FAAH2: variants seen among roughly 807,000 people sequenced by gnomAD.
FAAH2 encodes the protein fatty acid amide hydrolase 2, also known as fatty-acid amide hydrolase 2.
FAAH2 carries 60 observed loss-of-function variants against 36.9 expected under a neutral mutation model. That is an observed-to-expected ratio of 1.63 (90% CI 1.32 to 2.02). FAAH2 has a LOEUF of 2.02. FAAH2 is among the 30% of genes most tolerant of loss of function. The pLI is 0.00. For synonymous variants in FAAH2, 214 were observed against 143.8 expected, an observed-to-expected ratio of 1.49 and a Z score of -3.49; for missense variants, 689 against 397.5, an observed-to-expected ratio of 1.73 and a Z score of -6.23.
At chrX:57,150,232 T>G in the FAAH2 span, among the ~76,000 whole-genome samples, 1 of 112,023 alleles carries the variant, frequency 8.9e-6, no homozygotes, top group African/African-American at 3.2e-5. Flanking sequence ...AGAATGTATA[T>G]TCTGTTGATT....
In FAAH2 at chrX:57,488,939, C is replaced by T. The variant is rs750540525; in HGVS notation, c.*7C>T. ...CTGTCCAGGAAAGTTTTAGGAGGAC[C>T]TTCTGCAAGGTTAATGTGTGTGTGT... On this transcript the variant is annotated 3_prime_UTR_variant, in exon 11 of 11. Coordinates refer to ENST00000374900, the MANE Select transcript of FAAH2 (RefSeq NM_174912.4). 1 of 1,206,611 alleles carries T rather than the reference C, an allele frequency of 8.3e-7. No homozygotes were observed. Among genetic ancestry groups the T allele is most frequent in the South Asian group, 1.8e-5 (1 of 56,094 alleles).
At chrX:57,333,802 T>G (rs771412599) in intron 4 of FAAH2, among the ~76,000 whole-genome samples, 9 of 111,241 alleles carry the variant, frequency 8.1e-5, no homozygotes, top group Non-Finnish European at 1.3e-4. Context: ...AATACACATA[T>G]GTAATTGGAA....
intron 1 of FAAH2, among the ~76,000 whole-genome samples, chrX:57,287,965 G>A (rs1261793617): frequency 9.0e-6 from 1 of 110,971 alleles, no homozygotes; most frequent in Admixed American, 9.6e-5. Flanking sequence ...TCTTCTTGCC[G>A]TACCCCCTCC....
At chrX:57,158,303 T>A in the FAAH2 span, among the ~76,000 whole-genome samples, 3 of 112,235 alleles carry the variant, frequency 2.7e-5, no homozygotes, top group Admixed American at 9.4e-5. Flanking sequence ...GTGCCACAAT[T>A]AACATACGTG....
At chrX:57,207,874 G>A in the FAAH2 span, among the ~76,000 whole-genome samples, 2 of 112,993 alleles carry the variant, frequency 1.8e-5, no homozygotes, top group African/African-American at 6.4e-5. Flanking sequence ...GGCTGTGTCA[G>A]GGGACAGACA....
chrX:57,264,666 G>A, the FAAH2 span, among the ~76,000 whole-genome samples: 1 of 112,632 alleles, frequency 8.9e-6, no homozygotes, highest in Non-Finnish European at 1.9e-5. Context: ...ATTCCACTCA[G>A]CCATCCCATT....
At chrX:57,454,671 C>G (rs1487903526) in intron 10 of FAAH2, among the ~76,000 whole-genome samples, 2 of 111,860 alleles carry the variant, frequency 1.8e-5, no homozygotes, top group East Asian at 2.8e-4. Context: ...TCTGAAGCAT[C>G]AGCAGCAGAA....
At position 57,328,497 on chromosome X, in the gene FAAH2, T is replaced by C. The variant is rs191231343; in HGVS notation, c.413-3101T>C. Among the ~76,000 whole-genome samples the C allele has an allele frequency of 6.2e-5, 7 of 112,123 alleles. No homozygotes were observed. In the Admixed American group the frequency reaches 6.6e-4, roughly 11 times the overall value. On this transcript the variant is annotated intron_variant, in intron 3 of 10. Coordinates refer to ENST00000374900, the MANE Select transcript of FAAH2 (RefSeq NM_174912.4). ...ATTCTAGCTTCCTTAGATTGGGTTT[T>C]AATATTTTCCAGGATCTCAATGATC... is the stretch of plus-strand genomic sequence containing the variant.
At chrX:57,262,025 C>T in the FAAH2 span, among the ~76,000 whole-genome samples, 2 of 108,931 alleles carry the variant, frequency 1.8e-5, no homozygotes, top group Non-Finnish European at 1.9e-5. Context: ...TCAACTGAGT[C>T]AAATAATATA....
Position 57,328,830 on chromosome X carries a change from A to T in FAAH2, c.413-2768A>T, listed in dbSNP as rs1298939384. Among the ~76,000 whole-genome samples the T allele has an allele frequency of 4.5e-5, 5 of 111,529 alleles. No homozygotes were observed. The Admixed American group carries it at 4.8e-4, about 11-fold the overall frequency. On this transcript the variant is annotated intron_variant, in intron 3 of 10. Coordinates refer to ENST00000374900, the MANE Select transcript of FAAH2 (RefSeq NM_174912.4). ...TTCTGGAACATTTAAAGTGGCCAAG[A>T]CTCAGCTCAGTACTCCTGGATTGCA...
At chrX:57,122,179 C>T in the FAAH2 span, among the ~76,000 whole-genome samples, 1 of 111,874 alleles carries the variant, frequency 8.9e-6, no homozygotes, top group East Asian at 2.8e-4. Context: ...GAGGGCCTCA[C>T]AGCAAAATAT....
chrX:57,415,590 C>G (rs970031731), intron 7 of FAAH2, among the ~76,000 whole-genome samples: 3 of 111,720 alleles, frequency 2.7e-5, no homozygotes, highest in African/African-American at 9.8e-5. Flanking sequence ...GTCTGAGAGA[C>G]TCTTTGTTTT....
At chrX:57,211,823 A>G in the FAAH2 span, among the ~76,000 whole-genome samples, 3 of 112,143 alleles carry the variant, frequency 2.7e-5, no homozygotes, top group Non-Finnish European at 5.6e-5. Context: ...ATAGGCAAGG[A>G]AATTATACAG....
the FAAH2 span, among the ~76,000 whole-genome samples, chrX:57,184,315 G>C: frequency 9.0e-6 from 1 of 111,325 alleles, no homozygotes; most frequent in African/African-American, 3.3e-5. Context: ...CCTACTCCCT[G>C]TTCTTACACC....
At chrX:57,282,080 T>C (rs2051760267), upstream of FAAH2, among the ~76,000 whole-genome samples, 2 of 112,325 alleles carry the variant, frequency 1.8e-5, no homozygotes, top group Non-Finnish European at 3.8e-5. Context: ...TTTGTGTGTA[T>C]ACCCAGTAAT....
chrX:57,393,663 T>C, intron 7 of FAAH2: 1 of 977,156 alleles, frequency 1.0e-6, no homozygotes, highest in Non-Finnish European at 1.5e-6. Flanking sequence ...TCTCCTTTCT[T>C]ACTGGATGCC....
intron 7 of FAAH2, among the ~76,000 whole-genome samples, chrX:57,398,756 T>C (rs939635908): frequency 9.0e-6 from 1 of 111,517 alleles, no homozygotes; most frequent in African/African-American, 3.3e-5. Context: ...GTGAGCTCTC[T>C]TTACTAGCTG....
chrX:57,393,534 G>A (rs368175954), intron 7 of FAAH2: 2 of 958,763 alleles, frequency 2.1e-6, no homozygotes, highest in South Asian at 3.9e-5. Context: ...ATGGCAAATG[G>A]GCCTGCATGG....
chrX:57,431,785 T>TG (rs2056305598), intron 7 of FAAH2, 133 bp from the exon 8 acceptor site: 1 of 345,988 alleles, frequency 2.9e-6, no homozygotes, highest in Non-Finnish European at 3.9e-6. Flanking sequence ...TTTTGTTTTT[T>TG]TGTTTTTTTT....
Sources: allele counts gnomAD v4.1 joint callset (sites outside exome capture counted in the v4.1 genomes callset), GRCh38; gene constraint gnomAD v4.1.1; transcripts MANE v1.5; gene names NCBI Gene and HGNC (gene_info 2026-07-23, HGNC 2026-07-21).